Variants in TSNARE1 observed in about 807,000 individuals in gnomAD.
The protein encoded by TSNARE1 is t-SNARE domain containing 1, also known as t-SNARE domain-containing protein 1.
TSNARE1 carries 49 observed loss-of-function variants against 62.0 expected under a neutral mutation model. That is an observed-to-expected ratio of 0.79 (90% CI 0.63 to 1.00). The LOEUF (loss-of-function observed/expected upper bound fraction) is 1.00, where lower values mean the gene tolerates loss of function less well. Among genes scored for constraint, TSNARE1 ranks in the 50% least tolerant of loss-of-function variants. TSNARE1 has a pLI of 0.00. For missense variants in TSNARE1, 755 were observed against 700.1 expected (o/e 1.08, Z -0.88); for synonymous variants, 328 against 294.4 (o/e 1.11, Z -1.17).
At chr8:142,271,726 C>T (rs1305107497) in intron 12 of TSNARE1, 3 of 1,327,860 alleles carry the variant, frequency 2.3e-6, no homozygotes, top group Non-Finnish European at 2.9e-6. Flanking sequence ...TCAGCCTGCA[C>T]ACCCAAAACC....
intron 4 of TSNARE1, among the ~76,000 whole-genome samples, chr8:142,342,239 G>A (rs573360175): frequency 4.6e-5 from 7 of 152,368 alleles, no homozygotes; most frequent in South Asian, 2.1e-4. Context: ...ACTCGGGGCC[G>A]GGACTGCCAC....
intron 11 of TSNARE1, chr8:142,280,423 C>A (rs1563816344): frequency 2.7e-6 from 2 of 744,036 alleles, no homozygotes; most frequent in Non-Finnish European, 3.3e-6. Context: ...CTGTGCACAG[C>A]GGCCAGGCCT....
chr8:142,316,122 C>T (rs914305050), intron 7 of TSNARE1, among the ~76,000 whole-genome samples: 2 of 146,994 alleles, frequency 1.4e-5, no homozygotes, highest in Admixed American at 1.5e-4. Context: ...AGGGACCCAG[C>T]GTGTATTCTT....
At chr8:142,300,704 G>A (rs891399540) in intron 9 of TSNARE1, 60 bp from the exon 10 acceptor site, 97 of 1,547,408 alleles carry the variant, frequency 6.3e-5, no homozygotes, top group Non-Finnish European at 8.2e-5. Flanking sequence ...CACAACCCAG[G>A]CCCAGAAATT....
intron 4 of TSNARE1, among the ~76,000 whole-genome samples, chr8:142,337,997 C>A (rs1832009221): frequency 6.6e-6 from 1 of 152,224 alleles, no homozygotes; most frequent in Admixed American, 6.5e-5. Context: ...CTGTCCCCAA[C>A]ACCCATTCCC....
At chr8:142,255,187 A>T (rs1818362674) in intron 12 of TSNARE1, among the ~76,000 whole-genome samples, 1 of 151,962 alleles carries the variant, frequency 6.6e-6, no homozygotes, top group Non-Finnish European at 1.5e-5. Flanking sequence ...TCAGCACCGT[A>T]AGACAGAGGT....
chr8:142,323,469 C>T (rs1234759927), intron 6 of TSNARE1, among the ~76,000 whole-genome samples: 1 of 152,244 alleles, frequency 6.6e-6, no homozygotes, highest in Non-Finnish European at 1.5e-5. Flanking sequence ...GTATGAGAGA[C>T]ATCCTAAAGA....
chr8:142,276,080 G>A, intron 11 of TSNARE1: 1 of 985,280 alleles, frequency 1.0e-6, no homozygotes, highest in Non-Finnish European at 1.2e-6. Flanking sequence ...CCCCAGCGCA[G>A]GGCCCTAGTG....
At chr8:142,340,832 G>A (rs968005082) in intron 4 of TSNARE1, among the ~76,000 whole-genome samples, 21 of 152,222 alleles carry the variant, frequency 1.4e-4, no homozygotes, top group East Asian at 3.9e-4. Context: ...CAGTCTGCTC[G>A]GACTTCACAC....
At chr8:142,215,150 G>C (rs569183385) in intron 13 of TSNARE1, among the ~76,000 whole-genome samples, 1 of 152,214 alleles carries the variant, frequency 6.6e-6, no homozygotes, top group South Asian at 2.1e-4. Flanking sequence ...CCATGAATGC[G>C]TATTGATCGA....
At chr8:142,345,079 T>TGCATCCACAGCCCTCCATCCTGC (rs1233171031) in intron 3 of TSNARE1, among the ~76,000 whole-genome samples, 2 of 152,232 alleles carry the variant, frequency 1.3e-5, no homozygotes, top group African/African-American at 4.8e-5. Flanking sequence ...TACCATCCTG[T>TGCATCCACAGCCCTCCATCCTGC]GCCTCCACAG....
intron 1 of TSNARE1, among the ~76,000 whole-genome samples, chr8:142,383,601 G>C (rs1020956961): frequency 6.6e-6 from 1 of 152,124 alleles, no homozygotes; most frequent in African/African-American, 2.4e-5. Flanking sequence ...GCACCTGCCA[G>C]AGCTGGAGGC....
At chr8:142,365,082 G>A (rs1029066355) in intron 1 of TSNARE1, among the ~76,000 whole-genome samples, 2 of 152,206 alleles carry the variant, frequency 1.3e-5, no homozygotes, top group African/African-American at 4.8e-5. Context: ...CATAAGAGAA[G>A]TCTGGTAGGC....
intron 12 of TSNARE1, among the ~76,000 whole-genome samples, chr8:142,245,773 G>T (rs1434147771): frequency 6.6e-6 from 1 of 152,116 alleles, no homozygotes; most frequent in Non-Finnish European, 1.5e-5. Flanking sequence ...GATGAGGCAG[G>T]GCTGCTCCCA....
intron 2 of TSNARE1, among the ~76,000 whole-genome samples, chr8:142,350,084 C>A: frequency 1.0e-5 from 1 of 96,418 alleles, no homozygotes; most frequent in East Asian, 3.1e-4. Flanking sequence ...GCAGGCAGGG[C>A]AGGCAGGGCA....
intron 11 of TSNARE1, chr8:142,275,986 C>G (rs1820413722): frequency 1.0e-6 from 1 of 985,320 alleles, no homozygotes. Context: ...GAGGTGGAAC[C>G]CATGAGCCCT....
At position 142,284,365 on chromosome 8, in the gene TSNARE1, G is replaced by C. The variant is rs767038526; in HGVS notation, c.1363+48C>G. 3.3e-6 allele frequency: 5 copies of C among 1,495,020 alleles called. No homozygotes were observed. In the Admixed American group the frequency reaches 8.4e-5, roughly 25 times the overall value. The allele number at this position is 1,495,020 out of a possible 1,614,324, so 92.6% of individuals were successfully genotyped here. ...AGGGGTGAGGGCTGGGGGCTGGCAG[G>C]CAGGCCCTCGGGGCAGCAGGTGGCC... is the stretch of plus-strand genomic sequence containing the variant. On this transcript the variant is annotated intron_variant, in intron 11 of 13. Coordinates refer to ENST00000524325, the MANE Select transcript of TSNARE1 (RefSeq NM_145003.5).
intron 4 of TSNARE1, among the ~76,000 whole-genome samples, chr8:142,339,754 G>A (rs1041084710): frequency 1.3e-5 from 2 of 152,254 alleles, no homozygotes; most frequent in African/African-American, 4.8e-5. Context: ...AAAGGCAGGT[G>A]GCAGATGGAC....
intron 1 of TSNARE1, among the ~76,000 whole-genome samples, chr8:142,380,064 G>A (rs899165552): frequency 6.6e-6 from 1 of 152,154 alleles, no homozygotes; most frequent in Non-Finnish European, 1.5e-5. Context: ...GGAGTTCCAG[G>A]TCACAACAAC....
Sources: gnomAD v4.1 joint callset for allele counts (sites outside exome capture counted in the v4.1 genomes callset) on GRCh38, gnomAD v4.1.1 for gene constraint, MANE v1.5 for transcripts, NCBI Gene and HGNC (gene_info 2026-07-23, HGNC 2026-07-21) for gene names.